Variants in CALD1 observed in about 807,000 individuals in gnomAD.
CALD1 encodes the protein caldesmon 1.
Under a neutral mutation model 99.9 loss-of-function variants are expected in CALD1, and 33 were observed. The observed-to-expected ratio is 0.33, with a 90% CI of 0.25 to 0.44. CALD1 has a LOEUF of 0.44. CALD1 is among the 20% of genes least tolerant of loss of function. CALD1 has a pLI of 1.00. For missense variants in CALD1, 861 were observed against 962.1 expected (o/e 0.89, Z 1.39); for synonymous variants, 310 against 325.0 (o/e 0.95, Z 0.50).
chr7:134,866,644 A>G (rs1800812311), intron 2 of CALD1, among the ~76,000 whole-genome samples: 1 of 152,166 alleles, frequency 6.6e-6, no homozygotes, highest in Non-Finnish European at 1.5e-5. Flanking sequence ...TGATGGCTTT[A>G]GGTTTTGTAC....
chr7:134,873,222 C>CAAA (rs71531836), intron 3 of CALD1, among the ~76,000 whole-genome samples: 71 of 150,784 alleles, frequency 4.7e-4, no homozygotes, highest in East Asian at 2.5e-3. Context: ...ACCCAAAAAA[C>CAAA]AAAAAAAAAC....
chr7:134,885,332 T>C (rs1801804915), intron 3 of CALD1, among the ~76,000 whole-genome samples: 1 of 152,198 alleles, frequency 6.6e-6, no homozygotes, highest in Non-Finnish European at 1.5e-5. Context: ...TATTATATAA[T>C]GTAAATAATA....
At position 134,905,350 on chromosome 7, in the gene CALD1, C is replaced by T. The variant is rs909980369; in HGVS notation, c.72-23404C>T. The stretch of plus-strand genomic sequence containing the variant: ...CAACTATTAGTTCATTTAATCCTTA[C>T]AACTCCACTATGACTTCCGTGGTTA... On this transcript the variant is annotated intron_variant, in intron 3 of 14. Transcript: ENST00000361675. Among the ~76,000 whole-genome samples the T allele has an allele frequency of 9.9e-5, 15 of 152,090 alleles. 1 individual carries two copies. The highest frequency in any genetic ancestry group is 3.6e-4 in the African/African-American group (15 of 41,350).
the CALD1 span, among the ~76,000 whole-genome samples, chr7:134,729,951 C>T: frequency 6.6e-5 from 10 of 152,284 alleles, no homozygotes; most frequent in Admixed American, 2.0e-4. Context: ...GGATGGTGGG[C>T]TCTGTGGACC....
At chr7:134,962,280 A>G (rs1312217880) in intron 13 of CALD1, 1 of 150,470 alleles carries the variant, frequency 6.6e-6, no homozygotes, top group Non-Finnish European at 1.5e-5. Flanking sequence ...TGCAGTTATG[A>G]TTATGATAGG....
chr7:134,875,667 T>A (rs1361291522), intron 3 of CALD1, among the ~76,000 whole-genome samples: 1 of 152,208 alleles, frequency 6.6e-6, no homozygotes, highest in African/African-American at 2.4e-5. Context: ...AGCCCAGATT[T>A]TCGTCACCGT....
At chr7:134,832,814 C>A (rs1799284297) in intron 1 of CALD1, among the ~76,000 whole-genome samples, 1 of 152,200 alleles carries the variant, frequency 6.6e-6, no homozygotes, top group Non-Finnish European at 1.5e-5. Flanking sequence ...CAAGTGTATT[C>A]CACATAATGT....
intron 3 of CALD1, among the ~76,000 whole-genome samples, chr7:134,893,766 G>A (rs1023613234): frequency 7.2e-5 from 11 of 152,236 alleles, no homozygotes; most frequent in Admixed American, 4.6e-4. Context: ...GGAAAATGAC[G>A]AGGCAAGTCT....
intron 1 of CALD1, among the ~76,000 whole-genome samples, chr7:134,831,862 A>G (rs796645084): frequency 1.3e-5 from 2 of 152,274 alleles, no homozygotes; most frequent in African/African-American, 4.8e-5. Context: ...GCAGAAAAAG[A>G]GATAGAGGCA....
chr7:134,730,863 G>A, the CALD1 span, among the ~76,000 whole-genome samples: 1 of 152,088 alleles, frequency 6.6e-6, no homozygotes, highest in South Asian at 2.1e-4. Context: ...AGATTATGTG[G>A]GCCCAAAGGA....
At chr7:134,726,475 A>C in the CALD1 span, among the ~76,000 whole-genome samples, 3 of 142,458 alleles carry the variant, frequency 2.1e-5, no homozygotes, top group Admixed American at 7.0e-5. Context: ...AGCTTTAGAT[A>C]TATAATATAT....
chr7:134,851,913 T>C (rs11982780), intron 2 of CALD1, among the ~76,000 whole-genome samples: 124,426 of 151,728 alleles, frequency 0.82, 51,316 homozygotes, highest in East Asian at 0.99. Context: ...ATCACAGCTG[T>C]GACATTATTT....
Position 134,757,844 on chromosome 7 carries a change from A to C in CALD1, c.-130+13481A>C, listed in dbSNP as rs545977362. On this transcript the variant is annotated intron_variant, in intron 1 of 13. Transcript: ENST00000417172. ...CAGTGAGCAGAGATCACACCACTGC[A>C]CTCCAGCCTGGGCGACAAAGCTAGA... 2.2e-4 allele frequency among the ~76,000 whole-genome samples: 33 copies of C among 152,162 alleles called. No individual in the cohort carries two copies. The East Asian group carries it at 5.2e-3, about 24-fold the overall frequency.
At chr7:134,833,061 G>A (rs1799295114) in intron 1 of CALD1, among the ~76,000 whole-genome samples, 1 of 152,208 alleles carries the variant, frequency 6.6e-6, no homozygotes, top group Non-Finnish European at 1.5e-5. Context: ...CTATAACTGT[G>A]TCTGCATAAT....
chr7:134,730,670 T>TA, the CALD1 span, among the ~76,000 whole-genome samples: 3 of 152,042 alleles, frequency 2.0e-5, no homozygotes, highest in East Asian at 5.8e-4. Flanking sequence ...TCTTTTAGAA[T>TA]AAAAAAATAA....
chr7:134,886,198 A>T (rs1563067873), intron 3 of CALD1, among the ~76,000 whole-genome samples: 2 of 152,210 alleles, frequency 1.3e-5, no homozygotes, highest in Non-Finnish European at 2.9e-5. Flanking sequence ...CCCAAATAAC[A>T]TGCAAACAAG....
chr7:134,877,101 C>T (rs368719034), intron 3 of CALD1, among the ~76,000 whole-genome samples: 32 of 152,352 alleles, frequency 2.1e-4, no homozygotes, highest in East Asian at 1.5e-3. Flanking sequence ...GTCCCTAAAA[C>T]ATGACTAGTG....
intron 3 of CALD1, among the ~76,000 whole-genome samples, chr7:134,883,352 T>G (rs1489522616): frequency 6.6e-6 from 1 of 152,244 alleles, no homozygotes; most frequent in African/African-American, 2.4e-5. Flanking sequence ...GACTGTCGGC[T>G]ATTTTTTTTA....
chr7:134,935,643 G>A (rs1367856180), intron 5 of CALD1, 45 bp from the exon 6 acceptor site: 3 of 1,572,692 alleles, frequency 1.9e-6, no homozygotes, highest in East Asian at 2.3e-5. Context: ...AACTAGAAAG[G>A]GCTTCTTTTA....
Sources: allele counts gnomAD v4.1 joint callset (sites outside exome capture counted in the v4.1 genomes callset), GRCh38; gene constraint gnomAD v4.1.1; transcripts MANE v1.5; gene names NCBI Gene and HGNC (gene_info 2026-07-23, HGNC 2026-07-21).